Variants in TMEM160 observed in about 807,000 individuals in gnomAD.
TMEM160 encodes transmembrane protein 160.
TMEM160 carries 10 observed loss-of-function variants against 13.9 expected under a neutral mutation model. The observed-to-expected ratio is 0.72, with a 90% CI of 0.45 to 1.22. TMEM160 has a LOEUF of 1.22. Ranked by LOEUF, TMEM160 falls within the 50% of genes most tolerant of loss-of-function variation. The pLI, the probability that TMEM160 is intolerant of heterozygous loss-of-function variation, is 0.00. For synonymous variants in TMEM160, 159 were observed against 134.8 expected (o/e 1.18, Z -1.25); for missense variants, 287 against 283.2 (o/e 1.01, Z -0.10).
chr19:47,046,431 C>G (rs962304584), intron 2 of TMEM160, among the ~76,000 whole-genome samples, 162 bp downstream of exon 2: 13 of 152,006 alleles, frequency 8.6e-5, no homozygotes, highest in African/African-American at 3.1e-4. Flanking sequence ...TCAGATGGAC[C>G]TAGTGCCTAT....
intron 1 of TMEM160, chr19:47,047,948 C>G (rs993994238): frequency 1.0e-5 from 10 of 985,092 alleles, no homozygotes; most frequent in Non-Finnish European, 1.2e-5. Flanking sequence ...ATCACCTCCC[C>G]CTCCAATCAG....
Position 47,045,966 on chromosome 19 carries a change from C to T in TMEM160, c.*21G>A. ...TCCTCGGGCGCTGTCCAGCGCCTGC[C>T]AGGCCCCACGGCCGTGTCGCTCACT... On this transcript the variant is annotated 3_prime_UTR_variant, in exon 3 of 3. Coordinates refer to ENST00000253047, the MANE Select transcript of TMEM160 (RefSeq NM_017854.2). 1 of 1,528,640 alleles carries T rather than the reference C, an allele frequency of 6.5e-7. No homozygotes were observed. Among genetic ancestry groups the T allele is most frequent in the Non-Finnish European group, 8.7e-7 (1 of 1,145,156 alleles). The allele number at this position is 1,528,640 out of a possible 1,614,324, so 94.7% of individuals were successfully genotyped here.
chr19:47,048,274 T>G, intron 1 of TMEM160, 133 bp downstream of exon 1: 1 of 810,206 alleles, frequency 1.2e-6, no homozygotes, highest in Non-Finnish European at 1.8e-6. Flanking sequence ...TGCGCTTCCG[T>G]GCGCTCACAC....
At chr19:47,046,844 C>T (rs1036813100) in intron 1 of TMEM160, among the ~76,000 whole-genome samples, 159 bp from the exon 2 acceptor site, 1 of 152,182 alleles carries the variant, frequency 6.6e-6, no homozygotes, top group Non-Finnish European at 1.5e-5. Flanking sequence ...CAGGAAGCCG[C>T]TCACCTAACC....
chr19:47,047,509 G>A (rs1217434169), intron 1 of TMEM160: 15 of 970,412 alleles, frequency 1.5e-5, no homozygotes, highest in East Asian at 1.1e-4. Context: ...ACCCACGTCC[G>A]TCCCCATTCA....
intron 1 of TMEM160, among the ~76,000 whole-genome samples, 172 bp from the exon 2 acceptor site, chr19:47,046,857 A>G (rs896901431): frequency 3.3e-5 from 5 of 151,718 alleles, no homozygotes; most frequent in Admixed American, 2.0e-4. Flanking sequence ...ACCTAACCAT[A>G]TCCCCCCACA....
At chr19:47,047,347 C>T (rs1354550049) in intron 1 of TMEM160, 2 of 984,984 alleles carry the variant, frequency 2.0e-6, no homozygotes, top group African/African-American at 3.5e-5. Context: ...TGCCCACTCA[C>T]TTCTTTCTCA....
intron 2 of TMEM160, 104 bp downstream of exon 2, chr19:47,046,489 T>A: frequency 9.7e-7 from 1 of 1,031,088 alleles, no homozygotes; most frequent in Middle Eastern, 2.1e-4. Flanking sequence ...CTATACTTAC[T>A]ACTGGGAGTG....
At chr19:47,047,705 G>T in intron 1 of TMEM160, 1 of 589,438 alleles carries the variant, frequency 1.7e-6, no homozygotes, top group Non-Finnish European at 2.1e-6. Flanking sequence ...AAATAGTTGG[G>T]TGCGGTGGTG....
At chr19:47,047,719 G>C (rs1408539512) in intron 1 of TMEM160, 2 of 544,232 alleles carry the variant, frequency 3.7e-6, no homozygotes. Context: ...GGTGGTGTAT[G>C]CCTGTAGCTC....
chr19:47,048,357 A>G, intron 1 of TMEM160, 50 bp downstream of exon 1: 1 of 1,391,604 alleles, frequency 7.2e-7, no homozygotes, highest in Non-Finnish European at 9.5e-7. Flanking sequence ...GTCCCACGCG[A>G]GCCCGGGACC....
chr19:47,047,784 TG>T (rs2057088763), intron 1 of TMEM160: 1 of 665,650 alleles, frequency 1.5e-6, no homozygotes, highest in Non-Finnish European at 1.9e-6. Context: ...AGTTCAAGGC[TG>T]CAGTGGGCTA....
chr19:47,046,251 G>A lies in TMEM160; in HGVS notation c.303C>T (p.Gly101=), dbSNP rs1400362007. The A allele has an allele frequency of 6.5e-7, 1 of 1,535,564 alleles. No individual in the cohort carries two copies. The highest frequency in any genetic ancestry group is 2.3e-4 in the Middle Eastern group (1 of 4,356). ...CGCACAGGCCGCCCAGCAGGAAGAAGCCTGCGGGAGAGGCAGGGTAGCAAC... is the reference window on the plus strand; with the variant it reads ...CGCACAGGCCGCCCAGCAGGAAGAAACCTGCGGGAGAGGCAGGGTAGCAAC... ...QSDMGREAAY[G]FFLLGGLCVV... is the part of the protein sequence containing the mutation. Residue 101 remains glycine (G), a splice_region_variant and synonymous_variant, in exon 3 of 3, where the codon GGC becomes GGT. Coordinates refer to ENST00000253047, the MANE Select transcript of TMEM160 (RefSeq NM_017854.2).
At chr19:47,047,901 C>T (rs2057089403) in intron 1 of TMEM160, 2 of 985,112 alleles carry the variant, frequency 2.0e-6, no homozygotes, top group Admixed American at 6.1e-5. Flanking sequence ...CATTCTGGAC[C>T]TCGCCTCCGT....
chr19:47,046,815 C>T, intron 1 of TMEM160, 130 bp from the exon 2 acceptor site: 2 of 688,346 alleles, frequency 2.9e-6, no homozygotes, highest in Non-Finnish European at 5.1e-6. Flanking sequence ...GCAAGCCCAT[C>T]CCAAATCCTC....
rs769860503 is a variant in TMEM160, at chr19:47,048,533, G to A, written c.82C>T (p.Pro28Ser). The A allele has an allele frequency of 7.4e-6, 11 of 1,496,236 alleles. No homozygotes were observed. In the Admixed American group the frequency reaches 8.7e-5, roughly 12 times the overall value. The allele number at this position is 1,496,236 out of a possible 1,614,324, so 92.7% of individuals were successfully genotyped here. The change falls in exon 1 of 3, where the codon CCC becomes TCC. Residue 28 changes from proline (P) to serine (S), a missense_variant. Physicochemically the swap from Pro to Ser is moderately conservative, Grantham distance 74. Transcript: ENST00000253047. ...FRRSLLPPQRPRSGGARGSFA... is the reference protein window; with the variant it reads ...FRRSLLPPQRSRSGGARGSFA... ...GACCCCCGGGCGCCCCCGCTCCGGG[G>A]CCGCTGAGGCGGCAGTAGCGACCTC...
chr19:47,047,405 G>C (rs535761952), intron 1 of TMEM160: 1 of 985,304 alleles, frequency 1.0e-6, no homozygotes, highest in African/African-American at 1.7e-5. Flanking sequence ...CTTCAGCCTC[G>C]CCCTTCTTTT....
In TMEM160 at chr19:47,048,499, G is replaced by T; in HGVS notation, c.116C>A (p.Pro39His). The change falls in exon 1 of 3, where the codon CCC becomes CAC. Residue 39 changes from proline (P) to histidine (H), a missense_variant. Transcript: ENST00000253047. ...AGCCCCGGCGCGGGGACCGTGGCCG[G>T]GGGCGAAGGACCCCCGGGCGCCCCC... ...RSGGARGSFAPGHGPRAGASP... is the reference protein window; with the variant it reads ...RSGGARGSFAHGHGPRAGASP... The T allele has an allele frequency of 7.0e-7, 1 of 1,435,446 alleles. No homozygotes were observed. The highest frequency in any genetic ancestry group is 9.0e-7 in the Non-Finnish European group (1 of 1,105,544). 88.9% of individuals were successfully genotyped at this position (1,435,446 alleles called of 1,614,324 possible). A position where few individuals can be genotyped will look rare whatever the true frequency, so the allele number is the denominator to read the frequency against.
rs1156897926 is a variant in TMEM160, at chr19:47,046,268, G to T, written c.302-16C>A. 3 of 1,530,168 alleles carry T rather than the reference G, an allele frequency of 2.0e-6. No homozygotes were observed. Among genetic ancestry groups the T allele is most frequent in the East Asian group, 4.9e-5 (2 of 40,888 alleles). 94.8% of individuals were successfully genotyped at this position (1,530,168 alleles called of 1,614,324 possible). On this transcript the variant is annotated splice_polypyrimidine_tract_variant and intron_variant, in intron 2 of 2. Transcript: ENST00000253047. ...AGGAAGAAGCCTGCGGGAGAGGCAG[G>T]GTAGCAACAGGGCCAAGGTCGGGGG...
Sources: gnomAD v4.1 joint callset for allele counts (sites outside exome capture counted in the v4.1 genomes callset) on GRCh38, gnomAD v4.1.1 for gene constraint, MANE v1.5 for transcripts, NCBI Gene and HGNC (gene_info 2026-07-23, HGNC 2026-07-21) for gene names.